Variants in HAUS5 observed in about 807,000 individuals in gnomAD.
HAUS5 encodes the protein HAUS augmin like complex subunit 5, also known as HAUS augmin-like complex subunit 5.
A neutral mutation model predicts 94.1 loss-of-function variants in HAUS5; 67 were observed. That is an observed-to-expected ratio of 0.71 (90% CI 0.58 to 0.87). The LOEUF (loss-of-function observed/expected upper bound fraction) is 0.87, where lower values mean the gene tolerates loss of function less well. Among genes scored for constraint, HAUS5 ranks in the 40% least tolerant of loss-of-function variants. HAUS5 has a pLI of 0.00. For missense variants in HAUS5, 739 were observed against 825.6 expected (o/e 0.90, Z 1.29); for synonymous variants, 339 against 355.4 (o/e 0.95, Z 0.52).
intron 15 of HAUS5, 97 bp downstream of exon 15, chr19:35,619,855 GTGTTCCCA>G (rs1967178898): frequency 6.6e-7 from 1 of 1,518,074 alleles, no homozygotes; most frequent in Non-Finnish European, 8.8e-7. Context: ...CAGACCCCCA[GTGTTCCCA>G]GGCTGCCAGA....
intron 10 of HAUS5, 33 bp downstream of exon 10, chr19:35,618,228 G>C (rs368036069): frequency 9.4e-6 from 15 of 1,595,582 alleles, no homozygotes; most frequent in Non-Finnish European, 1.2e-5. Flanking sequence ...AGTTGGGGAA[G>C]GCCATGTGAG....
In HAUS5 at chr19:35,617,141, T is replaced by G. The variant is rs754892371; in HGVS notation, c.503T>G (p.Val168Gly). 15 of 1,613,762 alleles carry G rather than the reference T, an allele frequency of 9.3e-6. No individual in the cohort carries two copies. The African/African-American group carries it at 1.6e-4, about 17-fold the overall frequency. ...QDMERKAKVD[V>G]TFGSLTSAAL... The stretch of plus-strand genomic sequence containing the variant: ...CCCTCCAGGAAAGCCAAAGTAGATG[T>G]GACCTTTGGATCCCTCACGTCGGCA... The change falls in exon 7 of 19, where the codon GTG (valine) becomes GGG (glycine). Residue 168 changes from valine to glycine, a missense_variant. By Grantham distance (109) the Val-to-Gly change is moderately radical. Coordinates refer to ENST00000203166, the MANE Select transcript of HAUS5 (RefSeq NM_015302.2).
At position 35,615,077 on chromosome 19, in the gene HAUS5, C is replaced by T. The variant is rs1230078817; in HGVS notation, c.255C>T (p.Thr85=). ...RRKLELEAAV[T]RLRAEIQELD... is the part of the protein sequence containing the mutation. ...AGTTAGAGCTGGAAGCTGCTGTGACCCGCCTGCGGGCAGAAATCCAGGAAC... is the reference window on the plus strand; with the variant it reads ...AGTTAGAGCTGGAAGCTGCTGTGACTCGCCTGCGGGCAGAAATCCAGGAAC... The change falls in exon 5 of 19, where the codon ACC becomes ACT. Residue 85 remains threonine, a synonymous_variant. Coordinates refer to ENST00000203166, the MANE Select transcript of HAUS5 (RefSeq NM_015302.2). The T allele has an allele frequency of 6.2e-7, 1 of 1,604,382 alleles. No homozygotes were observed. The highest frequency in any genetic ancestry group is 1.3e-5 in the African/African-American group (1 of 74,852).
intron 1 of HAUS5, 84 bp downstream of exon 1, chr19:35,612,976 C>T: frequency 6.3e-6 from 6 of 955,804 alleles, no homozygotes; most frequent in Admixed American, 3.5e-5. Context: ...ATTGAGGACT[C>T]GACTCCCCCC....
chr19:35,613,389 A>T (rs1010480133), intron 1 of HAUS5, among the ~76,000 whole-genome samples: 1 of 151,928 alleles, frequency 6.6e-6, no homozygotes, highest in Non-Finnish European at 1.5e-5. Context: ...GAATAACACC[A>T]CACTTAGTGC....
chr19:35,615,269 A>G lies in HAUS5; in HGVS notation c.368A>G (p.Gln123Arg). The change falls in exon 6 of 19, where the codon CAG becomes CGG. Residue 123 changes from glutamine to arginine, a missense_variant. Gln to Arg is a conservative substitution (Grantham distance 43). Transcript: ENST00000203166. ...EQARQHTQDT[Q>R]RRALLLRAQA... ...GCACGTCAGCACACTCAAGACACCC[A>G]GCGTCGAGCTCTCCTCCTCCGGGCC... 6.2e-7 allele frequency: 1 copy of G among 1,614,052 alleles called. No individual in the cohort carries two copies.
Position 35,617,205 on chromosome 19 carries a change from G to A in HAUS5, c.555+12G>A, listed in dbSNP as rs1233485306. ...AGCCCGTGGTCCTGGTAAGAGTCCTGGTCATGGGAGAAGGGGCAGGGAGCC... is the reference window on the plus strand; with the variant it reads ...AGCCCGTGGTCCTGGTAAGAGTCCTAGTCATGGGAGAAGGGGCAGGGAGCC... On this transcript the variant is annotated intron_variant, in intron 7 of 18. Transcript: ENST00000203166. 1 of 1,613,348 alleles carries A rather than the reference G, an allele frequency of 6.2e-7. No homozygotes were observed. Among genetic ancestry groups the A allele is most frequent in the Non-Finnish European group, 8.5e-7 (1 of 1,179,254 alleles).
In HAUS5 at chr19:35,618,128, G is replaced by A. The variant is rs1967135010; in HGVS notation, c.754G>A (p.Ala252Thr). The A allele has an allele frequency of 6.2e-7, 1 of 1,610,044 alleles. No individual in the cohort carries two copies. Among genetic ancestry groups the A allele is most frequent in the Non-Finnish European group, 8.5e-7 (1 of 1,177,268 alleles). Residue 252 changes from alanine to threonine, a missense_variant, in exon 10 of 19, where the codon GCA becomes ACA. Physicochemically the swap from Ala to Thr is moderately conservative, Grantham distance 58 (BLOSUM62 0). Coordinates refer to ENST00000203166, the MANE Select transcript of HAUS5 (RefSeq NM_015302.2). ...HVLAALEHLA[A>T]EREAEIRSLC... ...CCTGGCTGCCTTGGAGCACCTGGCTGCAGAGCGGGAGGCAGAGATTCGGTC... is the reference window on the plus strand; with the variant it reads ...CCTGGCTGCCTTGGAGCACCTGGCTACAGAGCGGGAGGCAGAGATTCGGTC...
Position 35,620,189 on chromosome 19 carries a change from C to T in HAUS5, c.1519-6C>T. The T allele has an allele frequency of 1.2e-6, 2 of 1,613,182 alleles. No homozygotes were observed. Among genetic ancestry groups the T allele is most frequent in the South Asian group, 1.1e-5 (1 of 91,042 alleles). On this transcript the variant is annotated splice_polypyrimidine_tract_variant and splice_region_variant and intron_variant, in intron 16 of 18. Transcript: ENST00000203166. ...CCCAGGTGACCGTCCTTCCCTCCTC[C>T]TCCAGGCCTCGGAGCTGCTCCTGCC...
At chr19:35,619,840 A>G in intron 15 of HAUS5, 82 bp downstream of exon 15, 1 of 1,508,712 alleles carries the variant, frequency 6.6e-7, no homozygotes, top group African/African-American at 1.4e-5. Context: ...CAAAAAAGAT[A>G]ACCCCAGACC....
Position 35,620,119 on chromosome 19 carries a change from G to A in HAUS5, c.1514G>A (p.Gly505Glu). ...ALSHKLGLPP[G>E]KASELLLPAA... ...AGCCACAAGCTGGGGCTGCCTCCAG[G>A]GAAGGTGAGTGCCCGTCTCCTGTGA... Residue 505 changes from glycine (G) to glutamate (E), a missense_variant, in exon 16 of 19, where the codon GGG becomes GAG. Physicochemically the swap from Gly to Glu is moderately conservative, Grantham distance 98. Coordinates refer to ENST00000203166, the MANE Select transcript of HAUS5 (RefSeq NM_015302.2). 4 of 1,613,782 alleles carry A rather than the reference G, an allele frequency of 2.5e-6. No individual in the cohort carries two copies. Among genetic ancestry groups the A allele is most frequent in the Non-Finnish European group, 3.4e-6 (4 of 1,179,792 alleles).
chr19:35,612,967 T>C (rs930966889), intron 1 of HAUS5, 75 bp downstream of exon 1: 4 of 1,043,150 alleles, frequency 3.8e-6, no homozygotes, highest in African/African-American at 1.7e-5. Flanking sequence ...CCACCCCTCA[T>C]TGAGGACTCG....
In HAUS5 at chr19:35,618,992, C is replaced by G; in HGVS notation, c.1122C>G (p.Leu374=). The G allele has an allele frequency of 6.2e-7, 1 of 1,612,694 alleles. No individual in the cohort carries two copies. The highest frequency in any genetic ancestry group is 8.5e-7 in the Non-Finnish European group (1 of 1,179,610). The change falls in exon 13 of 19, where the codon CTC becomes CTG. Residue 374 remains leucine, a synonymous_variant. Transcript: ENST00000203166. ...ELQDAAGHRQ[L]LLRELQAKQQ... is the part of the protein sequence containing the mutation. ...AGGATGCAGCTGGGCATCGGCAGCT[C>G]CTGCTGAGGGAGCTACAGGCCAAAC... is the stretch of plus-strand genomic sequence containing the variant.
At chr19:35,622,560 C>T (rs756968848) in intron 17 of HAUS5, 41 bp from the exon 18 acceptor site, 1 of 1,604,736 alleles carries the variant, frequency 6.2e-7, no homozygotes, top group South Asian at 1.1e-5. Context: ...TACCAGCGAG[C>T]CAGAGGACTC....
intron 10 of HAUS5, 63 bp from the exon 11 acceptor site, chr19:35,618,339 C>T (rs1967140061): frequency 3.1e-6 from 5 of 1,607,862 alleles, no homozygotes; most frequent in Admixed American, 3.4e-5. Context: ...TGATACTGTC[C>T]ACCCTCGAGT....
intron 10 of HAUS5, 47 bp from the exon 11 acceptor site, chr19:35,618,355 G>C: frequency 6.2e-7 from 1 of 1,610,112 alleles, no homozygotes. Context: ...CGAGTACCAA[G>C]GCAAGGCCGC....
rs1568329668 is a variant in HAUS5, at chr19:35,619,777, CACCCCTGCCCTGCA to C, written c.1406+20_1406+33del. 1.3e-6 allele frequency: 2 copies of C among 1,525,430 alleles called. No individual in the cohort carries two copies. Among genetic ancestry groups the C allele is most frequent in the Non-Finnish European group, 1.8e-6 (2 of 1,134,592 alleles). The allele number at this position is 1,525,430 out of a possible 1,614,324, so 94.5% of individuals were successfully genotyped here. A position where few individuals can be genotyped will look rare whatever the true frequency, so the allele number is the denominator to read the frequency against. On this transcript the variant is annotated intron_variant, in intron 15 of 18. Transcript: ENST00000203166. ...CGGGAGAGTGAGACTGGGGCTGCCC[CACCCCTGCCCTGCA>C]TCCCCTGCCATGGGTGACTGTCACT...
intron 10 of HAUS5, 27 bp downstream of exon 10, chr19:35,618,222 G>A (rs1599596437): frequency 1.3e-6 from 2 of 1,595,216 alleles, no homozygotes; most frequent in East Asian, 4.5e-5. Context: ...TCTCACAGTT[G>A]GGGAAGGCCA....
intron 4 of HAUS5, among the ~76,000 whole-genome samples, chr19:35,614,624 C>T (rs543250285): frequency 1.3e-5 from 2 of 151,904 alleles, no homozygotes; most frequent in African/African-American, 2.4e-5. Flanking sequence ...ATTAGCTGGG[C>T]GCAGAGAGGT....
Sources: allele counts gnomAD v4.1 joint callset (sites outside exome capture counted in the v4.1 genomes callset), GRCh38; gene constraint gnomAD v4.1.1; transcripts MANE v1.5; gene names NCBI Gene and HGNC (gene_info 2026-07-23, HGNC 2026-07-21).